The following LY9 variants were observed in gnomAD, a reference collection of about 807,000 sequenced individuals.
LY9 encodes lymphocyte antigen 9.
A neutral mutation model predicts 64.6 loss-of-function variants in LY9; 59 were observed. That is an observed-to-expected ratio of 0.91 (90% CI 0.74 to 1.13). The LOEUF (loss-of-function observed/expected upper bound fraction) is 1.13, where lower values mean the gene tolerates loss of function less well. LY9 is among the 50% of genes most tolerant of loss of function. The probability of loss-of-function intolerance (pLI) is 0.00; values close to 1 mark genes in which losing one functional copy is unlikely to be tolerated. For synonymous variants in LY9, 281 were observed against 308.5 expected, an observed-to-expected ratio of 0.91 and a Z score of 0.93; for missense variants, 789 against 797.2, an observed-to-expected ratio of 0.99 and a Z score of 0.12.
At chr1:160,823,922 G>A (rs1668684663) in intron 8 of LY9, 126 bp downstream of exon 8, 1 of 808,498 alleles carries the variant, frequency 1.2e-6, no homozygotes, top group Admixed American at 2.4e-5. Flanking sequence ...CATACGGGCA[G>A]GGACTCATGG....
At position 160,814,380 on chromosome 1, in the gene LY9, G is replaced by A. The variant is rs754009170; in HGVS notation, c.731-40G>A. On this transcript the variant is annotated intron_variant, in intron 3 of 9. Transcript: ENST00000263285. ...GATGCCTGGGGGCCAAGGGAGTAGGGACAGTGACTGAAGCTGCAATGTCTC... is the reference window on the plus strand; with the variant it reads ...GATGCCTGGGGGCCAAGGGAGTAGGAACAGTGACTGAAGCTGCAATGTCTC... The A allele has an allele frequency of 1.7e-5, 25 of 1,491,800 alleles. No individual in the cohort carries two copies. In the African/African-American group the frequency reaches 3.3e-4, roughly 20 times the overall value. The allele number at this position is 1,491,800 out of a possible 1,614,324, so 92.4% of individuals were successfully genotyped here.
At chr1:160,814,246 C>T (rs1200826211) in intron 3 of LY9, among the ~76,000 whole-genome samples, 174 bp from the exon 4 acceptor site, 1 of 152,160 alleles carries the variant, frequency 6.6e-6, no homozygotes, top group African/African-American at 2.4e-5. Context: ...GTGGGCACAG[C>T]CCAGTGGAAC....
At chr1:160,806,925 T>G (rs1207653629) in intron 2 of LY9, among the ~76,000 whole-genome samples, 2 of 152,162 alleles carry the variant, frequency 1.3e-5, no homozygotes, top group Non-Finnish European at 2.9e-5. Context: ...TTTTATTCTT[T>G]TTATTTATTT....
chr1:160,820,433 A>AT (rs1201165460), intron 7 of LY9, among the ~76,000 whole-genome samples: 46 of 152,300 alleles, frequency 3.0e-4, no homozygotes, highest in East Asian at 1.9e-4. Context: ...AAATAAATAA[A>AT]AAATAAAACT....
In LY9 at chr1:160,821,151, TAAA is replaced by T. The variant is rs373539992; in HGVS notation, c.1498+1793_1498+1795del. 1.2e-4 allele frequency among the ~76,000 whole-genome samples: 13 copies of T among 105,094 alleles called. 2 individuals are homozygous for T. The highest frequency in any genetic ancestry group is 1.9e-4 in the African/African-American group (5 of 26,292). The allele number at this position is 105,094 out of a possible 152,430, so 68.9% of individuals were successfully genotyped here. ...CTGGGCAAAAAAAGTGAAACTTTGC[TAAA>T]AAAAAAAAAAAAAAACCATATATTC... is the stretch of plus-strand genomic sequence containing the variant. On this transcript the variant is annotated intron_variant, in intron 7 of 9. Transcript: ENST00000263285.
At chr1:160,818,103 C>T (rs900140609) in intron 5 of LY9, 115 bp from the exon 6 acceptor site, 53 of 698,530 alleles carry the variant, frequency 7.6e-5, no homozygotes, top group African/African-American at 7.2e-4. Flanking sequence ...GAAAGACTTT[C>T]CACAACGTCA....
Position 160,813,880 on chromosome 1 carries a change from C to T in LY9, c.699C>T (p.Ser233=), listed in dbSNP as rs576735362. The change falls in exon 3 of 10, where the codon TCC becomes TCT. Residue 233 remains serine, a synonymous_variant. Transcript: ENST00000263285. ...TAQNPVSQRS[S]LPVHVGQFCT... The stretch of plus-strand genomic sequence containing the variant: ...AGAACCCCGTCAGCCAGAGAAGCTC[C>T]CTCCCTGTCCATGTTGGGCAGTTCT... 5 of 1,614,178 alleles carry T rather than the reference C, an allele frequency of 3.1e-6. 1 individual carries two copies. The East Asian group carries it at 6.7e-5, about 22-fold the overall frequency.
rs369982678 is a variant in LY9, at chr1:160,823,454, A to G, written c.1499-11A>G. On this transcript the variant is annotated splice_polypyrimidine_tract_variant and intron_variant, in intron 7 of 9. Coordinates refer to ENST00000263285, the MANE Select transcript of LY9 (RefSeq NM_002348.4). Reference sequence around the variant, plus strand: ...GGCATACTTTTATCAGCCCTGCACAATGTGTTCCAGAACCCACAGCTGGCC... The same window carrying G: ...GGCATACTTTTATCAGCCCTGCACAGTGTGTTCCAGAACCCACAGCTGGCC... 1.5e-5 allele frequency: 24 copies of G among 1,599,316 alleles called. No homozygotes were observed. The highest frequency in any genetic ancestry group is 2.0e-5 in the Non-Finnish European group (23 of 1,168,588).
At chr1:160,797,816 T>C (rs370083495) in intron 1 of LY9, among the ~76,000 whole-genome samples, 7 of 152,052 alleles carry the variant, frequency 4.6e-5, no homozygotes, top group African/African-American at 1.7e-4. Context: ...AAAATATAGT[T>C]AGTAGGATGC....
intron 6 of LY9, 102 bp from the exon 7 acceptor site, chr1:160,819,219 T>C (rs1263027760): frequency 3.4e-6 from 3 of 890,698 alleles, no homozygotes; most frequent in African/African-American, 1.7e-5. Flanking sequence ...TCCCTGTCTA[T>C]GTCCCAGAAG....
At chr1:160,810,194 G>A (rs1667358801) in intron 2 of LY9, 1 of 152,182 alleles carries the variant, frequency 6.6e-6, no homozygotes. Flanking sequence ...TTCATGTATT[G>A]AATAGCCATT....
At chr1:160,802,791 C>A (rs563712486) in intron 2 of LY9, 1 of 430,700 alleles carries the variant, frequency 2.3e-6, no homozygotes, top group Non-Finnish European at 3.1e-6. Flanking sequence ...TGGCTATAAA[C>A]CTGTGGCTTT....
chr1:160,814,999 C>T (rs953677841), intron 4 of LY9: 1 of 552,722 alleles, frequency 1.8e-6, no homozygotes, highest in South Asian at 2.2e-5. Context: ...TAGGCCTCCA[C>T]CACCCAACTT....
chr1:160,824,706 G>A (rs962292335), intron 9 of LY9: 44 of 972,556 alleles, frequency 4.5e-5, no homozygotes, highest in African/African-American at 2.1e-4. Flanking sequence ...CCAGCCGGGC[G>A]CGGTGGCTCA....
At chr1:160,797,859 CTA>C (rs1025076649) in intron 1 of LY9, among the ~76,000 whole-genome samples, 3 of 47,960 alleles carry the variant, frequency 6.3e-5, no homozygotes, top group African/African-American at 2.6e-4. Context: ...TGTAGATGAT[CTA>C]TACACACACA....
chr1:160,817,594 G>A (rs1021563476), intron 5 of LY9, among the ~76,000 whole-genome samples: 1 of 152,188 alleles, frequency 6.6e-6, no homozygotes, highest in Non-Finnish European at 1.5e-5. Context: ...TAAATGCTAA[G>A]TACTATTCTA....
At chr1:160,818,372 C>T (rs1211093349) in intron 6 of LY9, 53 bp downstream of exon 6, 54 of 1,315,080 alleles carry the variant, frequency 4.1e-5, no homozygotes, top group Non-Finnish European at 3.0e-5. Context: ...TTCCCTGGGA[C>T]TTGTGGAGGC....
chr1:160,817,921 G>A (rs1002699565), intron 5 of LY9, among the ~76,000 whole-genome samples: 10 of 152,118 alleles, frequency 6.6e-5, no homozygotes, highest in Non-Finnish European at 1.3e-4. Context: ...GTAATGTGGC[G>A]ATTAAGGGCG....
chr1:160,808,998 G>A (rs968572060), intron 2 of LY9, among the ~76,000 whole-genome samples: 3 of 151,896 alleles, frequency 2.0e-5, no homozygotes, highest in Admixed American at 6.6e-5. Flanking sequence ...TTCATGTAAC[G>A]GGTCTCCTAC....
Sources: gnomAD v4.1 joint callset for allele counts (sites outside exome capture counted in the v4.1 genomes callset) on GRCh38, gnomAD v4.1.1 for gene constraint, MANE v1.5 for transcripts, NCBI Gene and HGNC (gene_info 2026-07-23, HGNC 2026-07-21) for gene names.